The following PTPRM variants were observed in gnomAD, a reference collection of about 807,000 sequenced individuals.
PTPRM encodes receptor-type tyrosine-protein phosphatase mu.
A neutral mutation model predicts 186.7 loss-of-function variants in PTPRM; 47 were observed. The ratio of observed to expected loss-of-function variants is 0.25; its 90% confidence interval spans 0.20 to 0.32. The LOEUF (loss-of-function observed/expected upper bound fraction) is 0.32. Among genes scored for constraint, PTPRM ranks in the 10% least tolerant of loss-of-function variants. The probability of loss-of-function intolerance (pLI) is 1.00; values close to 1 mark genes in which losing one functional copy is unlikely to be tolerated. For synonymous variants in PTPRM, 668 were observed against 674.9 expected (o/e 0.99, Z 0.16); for missense variants, 1,494 against 1,865.0 (o/e 0.80, Z 3.66).
chr18:7,753,273 A>G (rs968493270), intron 1 of PTPRM, among the ~76,000 whole-genome samples: 2 of 152,082 alleles, frequency 1.3e-5, no homozygotes, highest in African/African-American at 2.4e-5. Flanking sequence ...GTATAGAGGT[A>G]GATATTTTTC....
At chr18:8,143,568 CA>C in intron 13 of PTPRM, 78 bp from the exon 14 acceptor site, 1 of 1,461,738 alleles carries the variant, frequency 6.8e-7, no homozygotes, top group Non-Finnish European at 9.5e-7. Context: ...CTGTTAAATG[CA>C]GCGAAATTTT....
At chr18:8,303,886 A>G (rs750849669) in intron 20 of PTPRM, among the ~76,000 whole-genome samples, 33 of 152,220 alleles carry the variant, frequency 2.2e-4, no homozygotes, top group Non-Finnish European at 2.2e-4. Context: ...TTGCAGGCAC[A>G]CTGGGTCTCC....
intron 19 of PTPRM, among the ~76,000 whole-genome samples, chr18:8,269,760 G>A (rs1177753682): frequency 6.6e-6 from 1 of 151,888 alleles, no homozygotes; most frequent in Non-Finnish European, 1.5e-5. Flanking sequence ...TATTTTACAA[G>A]AGTGCCAAGA....
At chr18:7,720,439 T>G (rs1338102358) in intron 1 of PTPRM, among the ~76,000 whole-genome samples, 1 of 152,132 alleles carries the variant, frequency 6.6e-6, no homozygotes, top group African/African-American at 2.4e-5. Context: ...CTCAAATCAG[T>G]GGGAAATGAT....
chr18:8,403,974 T>C (rs192385888), intron 32 of PTPRM: 1 of 152,368 alleles, frequency 6.6e-6, no homozygotes, highest in Admixed American at 6.5e-5. Context: ...TTTGAGTTGT[T>C]TACCCTTTTT....
chr18:8,094,936 C>T (rs926914266), intron 11 of PTPRM, among the ~76,000 whole-genome samples: 3 of 152,130 alleles, frequency 2.0e-5, no homozygotes, highest in Admixed American at 6.6e-5. Context: ...CTTGTAGTTA[C>T]GCCACTGTTA....
chr18:7,948,915 A>G (rs895958795), intron 5 of PTPRM, among the ~76,000 whole-genome samples: 2 of 152,208 alleles, frequency 1.3e-5, no homozygotes, highest in African/African-American at 4.8e-5. Context: ...CCCCTGTTGC[A>G]CTAATTAACA....
At chr18:7,849,328 C>T (rs2046753222) in intron 2 of PTPRM, among the ~76,000 whole-genome samples, 1 of 152,214 alleles carries the variant, frequency 6.6e-6, no homozygotes, top group Non-Finnish European at 1.5e-5. Flanking sequence ...GGCTTAATGA[C>T]TTCTCCACAT....
intron 9 of PTPRM, among the ~76,000 whole-genome samples, chr18:8,083,986 G>A (rs1368128660): frequency 1.3e-5 from 2 of 152,118 alleles, no homozygotes; most frequent in Admixed American, 6.6e-5. Context: ...GTTTCATTAA[G>A]GTTTCTAGAC....
At chr18:8,321,808 A>G (rs2095347782) in intron 22 of PTPRM, among the ~76,000 whole-genome samples, 2 of 152,208 alleles carry the variant, frequency 1.3e-5, no homozygotes, top group African/African-American at 2.4e-5. Context: ...TATACATATC[A>G]TATTAAGAAT....
chr18:7,940,522 A>C (rs1174541966), intron 5 of PTPRM, among the ~76,000 whole-genome samples: 1 of 152,134 alleles, frequency 6.6e-6, no homozygotes, highest in Non-Finnish European at 1.5e-5. Flanking sequence ...ATGGGTGGGA[A>C]GCATTCTAGG....
intron 14 of PTPRM, among the ~76,000 whole-genome samples, chr18:8,200,454 C>T (rs1369709622): frequency 2.0e-5 from 3 of 152,262 alleles, no homozygotes; most frequent in East Asian, 3.8e-4. Flanking sequence ...CTTGATTTCA[C>T]CCTTCAGGCT....
chr18:8,376,255 G>A lies in PTPRM; in HGVS notation c.3326+55G>A. On this transcript the variant is annotated intron_variant, in intron 25 of 32. Transcript: ENST00000580170. ...AAACGCAGTGGGTGATGGGTGCAGGGCCACCTTTGGGGATGATGAGTATGT... is the reference window on the plus strand; with the variant it reads ...AAACGCAGTGGGTGATGGGTGCAGGACCACCTTTGGGGATGATGAGTATGT... The A allele has an allele frequency of 3.1e-6, 5 of 1,590,642 alleles. No individual in the cohort carries two copies. The Admixed American group carries it at 5.2e-5, about 16-fold the overall frequency.
At position 7,765,380 on chromosome 18, in the gene PTPRM, G is replaced by A. The variant is rs191144803; in HGVS notation, c.74-8769G>A. ...AAAACTGCTTGCTAAATTAAATTAT[G>A]TAGAAGAGCCTTTCTATAATGCTTA... On this transcript the variant is annotated intron_variant, in intron 1 of 32. Transcript: ENST00000580170. Among the ~76,000 whole-genome samples the A allele has an allele frequency of 8.5e-5, 13 of 152,264 alleles. No individual in the cohort carries two copies. The East Asian group carries it at 2.5e-3, about 29-fold the overall frequency.
intron 1 of PTPRM, among the ~76,000 whole-genome samples, chr18:7,592,843 C>T (rs557575787): frequency 5.3e-5 from 8 of 152,054 alleles, no homozygotes; most frequent in Non-Finnish European, 8.8e-5. Context: ...GGAAGTGTTG[C>T]TGAACCGAGA....
chr18:8,100,163 G>A (rs1461679363), intron 11 of PTPRM, among the ~76,000 whole-genome samples: 3 of 151,972 alleles, frequency 2.0e-5, no homozygotes, highest in African/African-American at 7.3e-5. Flanking sequence ...TGTGGAAACG[G>A]AGTCTTACTC....
chr18:8,113,546 C>T lies in PTPRM; in HGVS notation c.1917C>T (p.Ile639=), dbSNP rs370791479. ...RPRRTKKTTE[I]LKCYPVPIHF... is the part of the protein sequence containing the mutation. ...GAAGAACTAAAAAGACGACAGAAAT[C>T]TTAAAGTGCTACCCAGTGCCAATTC... The change falls in exon 12 of 33, where the codon ATC becomes ATT. Residue 639 remains isoleucine (I), a synonymous_variant. Transcript: ENST00000580170. The T allele has an allele frequency of 6.2e-7, 1 of 1,613,862 alleles. No individual in the cohort carries two copies. The highest frequency in any genetic ancestry group is 2.2e-5 in the East Asian group (1 of 44,858).
chr18:8,380,484 AC>A, intron 29 of PTPRM, 57 bp downstream of exon 29: 1 of 1,601,956 alleles, frequency 6.2e-7, no homozygotes, highest in Non-Finnish European at 8.5e-7. Context: ...GTTTGTTTTT[AC>A]ACTGAGTTTG....
At chr18:8,326,397 C>T (rs2095376544) in intron 22 of PTPRM, among the ~76,000 whole-genome samples, 1 of 152,170 alleles carries the variant, frequency 6.6e-6, no homozygotes, top group Admixed American at 6.5e-5. Flanking sequence ...TCCTATCAAA[C>T]TACCAATGAC....
Sources: allele counts gnomAD v4.1 joint callset (sites outside exome capture counted in the v4.1 genomes callset), GRCh38; gene constraint gnomAD v4.1.1; transcripts MANE v1.5; gene names NCBI Gene and HGNC (gene_info 2026-07-23, HGNC 2026-07-21).